PHLDB2: variants seen among roughly 807,000 people sequenced by gnomAD.
PHLDB2 encodes pleckstrin homology like domain family B member 2.
In PHLDB2, 71 loss-of-function variants were observed where a neutral mutation model predicts 123.6. That is an observed-to-expected ratio of 0.57 (90% CI 0.47 to 0.70). The LOEUF is 0.70. Among genes scored for constraint, PHLDB2 ranks in the 30% least tolerant of loss-of-function variants. The probability of loss-of-function intolerance (pLI) is 0.00; values close to 1 mark genes in which losing one functional copy is unlikely to be tolerated. For missense variants in PHLDB2, 1,446 were observed against 1,519.5 expected (o/e 0.95, Z 0.80); for synonymous variants, 547 against 541.6 (o/e 1.01, Z -0.14).
chr3:111,906,325 C>T (rs2067529953), intron 2 of PHLDB2, among the ~76,000 whole-genome samples: 2 of 152,148 alleles, frequency 1.3e-5, no homozygotes, highest in African/African-American at 4.8e-5. Flanking sequence ...CATGATAACC[C>T]AATAAGGTAG....
At chr3:111,936,698 C>T (rs1378528678) in intron 6 of PHLDB2, among the ~76,000 whole-genome samples, 2 of 152,080 alleles carry the variant, frequency 1.3e-5, no homozygotes, top group African/African-American at 4.8e-5. Context: ...GCATATTAGC[C>T]AGATGTGGAG....
At chr3:111,733,441 C>A (rs2107895157) in intron 1 of PHLDB2, among the ~76,000 whole-genome samples, 1 of 152,290 alleles carries the variant, frequency 6.6e-6, no homozygotes, top group Middle Eastern at 3.4e-3. Context: ...TCTCTTCTCA[C>A]CAGAAGTAAG....
At position 111,762,085 on chromosome 3, in the gene PHLDB2, C is replaced by CCAG. The variant is rs539170976; in HGVS notation, c.-49+29384_-49+29386dup. 2.0e-5 allele frequency among the ~76,000 whole-genome samples: 3 copies of CCAG among 152,238 alleles called. No homozygotes were observed. The South Asian group carries it at 6.2e-4, about 32-fold the overall frequency. ...CCGCCACATTCAGCTGAGAACCAGA[C>CCAG]CAGCGTCTTAGCTATTAGTTCATTG... On this transcript the variant is annotated intron_variant, in intron 1 of 17. Transcript: ENST00000393923.
rs191323521 is a variant in PHLDB2 at position 111,907,730 on chromosome 3, G to A, written c.1336-5589G>A. Among the ~76,000 whole-genome samples, 28 of 152,222 alleles carry A rather than the reference G, an allele frequency of 1.8e-4. No homozygotes were observed. In the East Asian group the frequency reaches 4.4e-3, roughly 24 times the overall value. On this transcript the variant is annotated intron_variant, in intron 2 of 17. Coordinates refer to ENST00000431670, the MANE Select transcript of PHLDB2 (RefSeq NM_001134438.2). ...TGGTCTAAAACTCCTGACCTCTGGT[G>A]ATCCACACGCCTCAACCTTCCAAAG... is the stretch of plus-strand genomic sequence containing the variant.
At chr3:111,965,792 A>T (rs1298520189) in intron 13 of PHLDB2, among the ~76,000 whole-genome samples, 1 of 152,232 alleles carries the variant, frequency 6.6e-6, no homozygotes, top group Non-Finnish European at 1.5e-5. Context: ...CAGAACAGTC[A>T]AATAGAATGT....
At chr3:111,791,087 A>G (rs899809184) in intron 1 of PHLDB2, among the ~76,000 whole-genome samples, 5 of 152,224 alleles carry the variant, frequency 3.3e-5, no homozygotes, top group Non-Finnish European at 7.3e-5. Flanking sequence ...CCAGCTATGA[A>G]TTATCAATAT....
intron 1 of PHLDB2, among the ~76,000 whole-genome samples, chr3:111,836,126 AATG>A (rs1315557680): frequency 6.6e-6 from 1 of 152,186 alleles, no homozygotes; most frequent in Non-Finnish European, 1.5e-5. Context: ...ATTCTTTTTC[AATG>A]ATATGACTTA....
chr3:111,874,639 T>G (rs1559879515), intron 1 of PHLDB2, among the ~76,000 whole-genome samples: 1 of 152,172 alleles, frequency 6.6e-6, no homozygotes, highest in East Asian at 1.9e-4. Flanking sequence ...AGCTTGGAAC[T>G]GGCAAGTTAC....
At chr3:111,885,581 C>A in intron 2 of PHLDB2, 169 bp downstream of exon 2, 1 of 901,156 alleles carries the variant, frequency 1.1e-6, no homozygotes, top group Non-Finnish European at 1.8e-6. Context: ...TCCCATATCA[C>A]TATTAATAGG....
intron 2 of PHLDB2, among the ~76,000 whole-genome samples, chr3:111,893,916 A>ATTTATTTTTTTT (rs1559889942): frequency 7.6e-6 from 1 of 132,006 alleles, no homozygotes; most frequent in African/African-American, 2.8e-5. Context: ...TTATTTATTT[A>ATTTATTTTTTTT]TTTTTTATTA....
intron 3 of PHLDB2, chr3:111,916,017 A>G (rs1460137962): frequency 6.6e-6 from 1 of 152,186 alleles, no homozygotes; most frequent in African/African-American, 2.4e-5. Flanking sequence ...GAGATCTGCC[A>G]GTTTTTTGTT....
intron 1 of PHLDB2, among the ~76,000 whole-genome samples, chr3:111,845,463 G>T (rs1285841061): frequency 6.6e-6 from 1 of 151,372 alleles, no homozygotes; most frequent in African/African-American, 2.4e-5. Flanking sequence ...AAAAGCAGGG[G>T]ATGAAAAATA....
Position 111,846,203 on chromosome 3 carries a change from A to T in PHLDB2, c.67+268A>T, listed in dbSNP as rs1576866106. On this transcript the variant is annotated intron_variant, in intron 2 of 17. Transcript: ENST00000393923. ...GGGAAGACCCAAGCAGCTGGTGTGGAGGTCTTTCCCAGTGACTCATCAGTC... is the reference window on the plus strand; with the variant it reads ...GGGAAGACCCAAGCAGCTGGTGTGGTGGTCTTTCCCAGTGACTCATCAGTC... The T allele has an allele frequency of 1.7e-5, 6 of 351,830 alleles. No homozygotes were observed. In the South Asian group the frequency reaches 2.2e-4, roughly 13 times the overall value. 21.8% of individuals were successfully genotyped at this position (351,830 alleles called of 1,614,324 possible).
chr3:111,921,990 A>G (rs1402486599), intron 5 of PHLDB2, among the ~76,000 whole-genome samples: 7 of 152,242 alleles, frequency 4.6e-5, no homozygotes, highest in African/African-American at 7.2e-5. Flanking sequence ...AGTCTGCAGT[A>G]CTGAAGGATT....
intron 1 of PHLDB2, among the ~76,000 whole-genome samples, chr3:111,807,415 T>C (rs2061638758): frequency 6.6e-6 from 1 of 152,038 alleles, no homozygotes; most frequent in Non-Finnish European, 1.5e-5. Context: ...TATTTAAATC[T>C]CAAAAGAAGC....
At chr3:111,774,767 G>C (rs1016592229) in intron 1 of PHLDB2, among the ~76,000 whole-genome samples, 6 of 152,150 alleles carry the variant, frequency 3.9e-5, no homozygotes, top group African/African-American at 1.4e-4. Flanking sequence ...ACAGAGGGTT[G>C]CCAAACCTAT....
At chr3:111,756,360 T>C (rs1016605370) in intron 1 of PHLDB2, among the ~76,000 whole-genome samples, 2 of 152,202 alleles carry the variant, frequency 1.3e-5, no homozygotes, top group African/African-American at 4.8e-5. Flanking sequence ...CATATATATT[T>C]AGGATAGTTA....
chr3:111,778,378 G>C (rs2060304737), intron 1 of PHLDB2: 1 of 152,036 alleles, frequency 6.6e-6, no homozygotes, highest in Non-Finnish European at 1.5e-5. Flanking sequence ...GCCTTCAGAA[G>C]AAACCAACTT....
At chr3:111,887,191 C>T (rs1050338025) in intron 2 of PHLDB2, among the ~76,000 whole-genome samples, 7 of 152,166 alleles carry the variant, frequency 4.6e-5, no homozygotes, top group African/African-American at 1.7e-4. Flanking sequence ...TCTTGGCAAT[C>T]CAGGAAGTGA....
Sources: allele counts gnomAD v4.1 joint callset (sites outside exome capture counted in the v4.1 genomes callset), GRCh38; gene constraint gnomAD v4.1.1; transcripts MANE v1.5; gene names NCBI Gene and HGNC (gene_info 2026-07-23, HGNC 2026-07-21).